Variants in SPTBN1 observed in about 807,000 individuals in gnomAD.
SPTBN1 encodes spectrin beta chain, non-erythrocytic 1.
SPTBN1 carries 32 observed loss-of-function variants against 266.4 expected under a neutral mutation model. The observed-to-expected ratio is 0.12, with a 90% CI of 0.09 to 0.16. The LOEUF is 0.16. Among genes scored for constraint, SPTBN1 ranks in the 10% least tolerant of loss-of-function variants. The pLI, the probability that SPTBN1 is intolerant of heterozygous loss-of-function variation, is 1.00. For missense variants in SPTBN1, 2,296 were observed against 3,067.1 expected (o/e 0.75, Z 5.94); for synonymous variants, 1,336 against 1,162.2 (o/e 1.15, Z -3.04).
At chr2:54,625,546 CT>C (rs1678264164) in intron 11 of SPTBN1, among the ~76,000 whole-genome samples, 1 of 146,612 alleles carries the variant, frequency 6.8e-6, no homozygotes, top group Non-Finnish European at 1.5e-5. Flanking sequence ...GTTCTTTTTC[CT>C]TTTTTGGAGG....
chr2:54,655,625 C>T (rs1434760768), intron 28 of SPTBN1, among the ~76,000 whole-genome samples: 1 of 152,234 alleles, frequency 6.6e-6, no homozygotes, highest in Non-Finnish European at 1.5e-5. Context: ...GAGGTCAGGG[C>T]TTTGTCCGTC....
In SPTBN1 at chr2:54,647,119, C is replaced by A. The variant is rs769960886; in HGVS notation, c.4867-12C>A. On this transcript the variant is annotated splice_polypyrimidine_tract_variant and intron_variant, in intron 23 of 35. Transcript: ENST00000356805. The stretch of plus-strand genomic sequence containing the variant: ...GGACCGCTATGGTTGTGATGTTCTC[C>A]TGTCTTTGCAGGATGAGCAGAGTGC... 1.9e-6 allele frequency: 3 copies of A among 1,614,118 alleles called. No individual in the cohort carries two copies. The highest frequency in any genetic ancestry group is 8.5e-7 in the Non-Finnish European group (1 of 1,180,018).
chr2:54,571,576 T>TAC lies in SPTBN1; in HGVS notation c.149-27492_149-27491dup, dbSNP rs67239523. Among the ~76,000 whole-genome samples, 405 of 100,710 alleles carry TAC rather than the reference T, an allele frequency of 4.0e-3. 1 individual carries two copies. The highest frequency in any genetic ancestry group is 0.012 in the African/African-American group (207 of 16,834). The allele number at this position is 100,710 out of a possible 152,430, so 66.1% of individuals were successfully genotyped here. A position where few individuals can be genotyped will look rare whatever the true frequency, so the allele number is the denominator to read the frequency against. ...ACACACACACACACACACACACACA[T>TAC]ACACACACACACACACACACACACA... On this transcript the variant is annotated intron_variant, in intron 2 of 35. Transcript: ENST00000356805.
chr2:54,583,753 G>A (rs1295081949), intron 2 of SPTBN1, among the ~76,000 whole-genome samples: 1 of 152,152 alleles, frequency 6.6e-6, no homozygotes, highest in Non-Finnish European at 1.5e-5. Flanking sequence ...CATATTCATT[G>A]AAGGCAGCAG....
rs769541256 is a variant in SPTBN1 at position 54,646,585 on chromosome 2, G to A, written c.4866+110G>A. ...TATAAAAACTTCCCTTGTAGCCTTTGAGTGTTAAGGGGACACCATGTGCAT... is the reference window on the plus strand; with the variant it reads ...TATAAAAACTTCCCTTGTAGCCTTTAAGTGTTAAGGGGACACCATGTGCAT... On this transcript the variant is annotated intron_variant, in intron 23 of 35. Transcript: ENST00000356805. The surrounding 1 kb of genome is among the most constrained non-coding windows in gnomAD (Gnocchi z 4.4). 3.6e-4 allele frequency: 454 copies of A among 1,265,572 alleles called. 1 individual carries two copies. Among genetic ancestry groups the A allele is most frequent in the Non-Finnish European group, 4.6e-4 (441 of 959,224 alleles). The allele number at this position is 1,265,572 out of a possible 1,614,324, so 78.4% of individuals were successfully genotyped here.
In SPTBN1 at chr2:54,668,711, T is replaced by C; in HGVS notation, c.*142T>C. 1.0e-4 allele frequency: 44 copies of C among 440,240 alleles called. No individual in the cohort carries two copies. The highest frequency in any genetic ancestry group is 6.0e-4 in the Middle Eastern group (1 of 1,678). The allele number at this position is 440,240 out of a possible 1,614,324, so 27.3% of individuals were successfully genotyped here. A position where few individuals can be genotyped will look rare whatever the true frequency, so the allele number is the denominator to read the frequency against. On this transcript the variant is annotated 3_prime_UTR_variant, in exon 36 of 36. Coordinates refer to ENST00000356805, the MANE Select transcript of SPTBN1 (RefSeq NM_003128.3). ...TTTTTTTTTTAATTTATAGAGCATT[T>C]CGGGGGGGGTGGGGGAAACACACCT...
chr2:54,544,220 T>C (rs1263779113), intron 2 of SPTBN1, among the ~76,000 whole-genome samples: 1 of 152,218 alleles, frequency 6.6e-6, no homozygotes, highest in African/African-American at 2.4e-5. Flanking sequence ...CAGAGGCTTC[T>C]GGGTTCCAGG....
At position 54,525,921 on chromosome 2, in the gene SPTBN1, G is replaced by A. The variant is rs142912390; in HGVS notation, c.-47-451G>A. ...TAATTTTTGTATCTTTGGTAGAGACGGGTTTTCACCATGTTGGCCAGGCTG... is the reference window on the plus strand; with the variant it reads ...TAATTTTTGTATCTTTGGTAGAGACAGGTTTTCACCATGTTGGCCAGGCTG... On this transcript the variant is annotated intron_variant, in intron 1 of 35. Coordinates refer to ENST00000356805, the MANE Select transcript of SPTBN1 (RefSeq NM_003128.3). Among the ~76,000 whole-genome samples, 1,002 of 152,152 alleles carry A rather than the reference G, an allele frequency of 6.6e-3. 16 individuals carry two copies. The highest frequency in any genetic ancestry group is 0.023 in the African/African-American group (964 of 41,536).
chr2:54,654,991 A>C, intron 27 of SPTBN1, 79 bp from the exon 28 acceptor site: 1 of 1,496,584 alleles, frequency 6.7e-7, no homozygotes, highest in Non-Finnish European at 9.0e-7. Context: ...TTTCTTTCAA[A>C]TTAATTGTGT....
chr2:54,562,533 C>CTTTTTTTCTTTTCTTT (rs746897447), intron 2 of SPTBN1, among the ~76,000 whole-genome samples: 4 of 126,828 alleles, frequency 3.2e-5, no homozygotes, highest in African/African-American at 1.3e-4. Context: ...TTTTCTTTTT[C>CTTTTTTTCTTTTCTTT]TTTTTTTTTT....
intron 2 of SPTBN1, chr2:54,529,488 G>A (rs61739882): frequency 8.4e-6 from 6 of 715,244 alleles, no homozygotes; most frequent in African/African-American, 5.2e-5. Flanking sequence ...ACCTTCCAGC[G>A]GCCCAAGACA....
At chr2:54,661,926 AATTTTAATT>A in intron 32 of SPTBN1, 1 of 985,406 alleles carries the variant, frequency 1.0e-6, no homozygotes, top group Non-Finnish European at 1.2e-6. Context: ...GTCATAACAA[AATTTTAATT>A]ACAATTGGCT....
intron 2 of SPTBN1, chr2:54,557,872 C>T: frequency 1.0e-6 from 1 of 985,438 alleles, no homozygotes; most frequent in African/African-American, 1.7e-5. Context: ...CTGAGAGTGA[C>T]TTTGTCTGAC....
chr2:54,568,554 A>G (rs527346030), intron 2 of SPTBN1, among the ~76,000 whole-genome samples: 1 of 152,328 alleles, frequency 6.6e-6, no homozygotes, highest in East Asian at 1.9e-4. Flanking sequence ...GTATTGCTCT[A>G]GAAGATTACA....
In SPTBN1 at chr2:54,558,590, C is replaced by G; in HGVS notation, c.148+32024C>G. ...AAATTAGATGCCTGTGTGGTAACTC[C>G]TCGCGGAGCTAAGGTGGACTCTCTT... On this transcript the variant is annotated intron_variant, in intron 2 of 35. Transcript: ENST00000356805. The surrounding 1 kb of genome is among the most constrained non-coding windows in gnomAD (Gnocchi z 4.6). 7.3e-7 allele frequency: 1 copy of G among 1,378,008 alleles called. No homozygotes were observed. The highest frequency in any genetic ancestry group is 9.4e-7 in the Non-Finnish European group (1 of 1,062,896). 85.4% of individuals were successfully genotyped at this position (1,378,008 alleles called of 1,614,324 possible).
intron 18 of SPTBN1, among the ~76,000 whole-genome samples, chr2:54,640,798 C>G (rs750242229): frequency 6.6e-6 from 1 of 152,228 alleles, no homozygotes; most frequent in African/African-American, 2.4e-5. Flanking sequence ...GTGACCCACC[C>G]GCCTTGGCCT....
chr2:54,477,364 C>G (rs899536341), intron 1 of SPTBN1, among the ~76,000 whole-genome samples: 4 of 150,892 alleles, frequency 2.7e-5, no homozygotes, highest in Admixed American at 6.6e-5. Flanking sequence ...AGACTAAACT[C>G]TCTAACTCCC....
Position 54,608,697 on chromosome 2 carries a change from C to T in SPTBN1, c.301-3464C>T, listed in dbSNP as rs1036007778. 5.3e-5 allele frequency among the ~76,000 whole-genome samples: 8 copies of T among 151,142 alleles called. No homozygotes were observed. In the East Asian group the frequency reaches 9.8e-4, roughly 18 times the overall value. On this transcript the variant is annotated intron_variant, in intron 3 of 35. Coordinates refer to ENST00000356805, the MANE Select transcript of SPTBN1 (RefSeq NM_003128.3). ...TTTTGTGTGCGTGTGTGTGCATGCG[C>T]GCACGAGTGCGCGCATGCACACACA...
intron 3 of SPTBN1, among the ~76,000 whole-genome samples, chr2:54,605,647 T>C (rs924090315): frequency 1.3e-5 from 2 of 152,210 alleles, no homozygotes; most frequent in Admixed American, 6.5e-5. Context: ...TTCTTGTAAT[T>C]ACTGCTTCCT....
Sources: allele counts gnomAD v4.1 joint callset (sites outside exome capture counted in the v4.1 genomes callset), GRCh38; gene constraint gnomAD v4.1.1; non-coding constraint Gnocchi (gnomAD v3.1); transcripts MANE v1.5; gene names NCBI Gene and HGNC (gene_info 2026-07-23, HGNC 2026-07-21).